Variants in CAST observed in about 807,000 individuals in gnomAD.
CAST encodes calpastatin, also known as MIR583 host.
CAST carries 76 observed loss-of-function variants against 119.6 expected under a neutral mutation model. That is an observed-to-expected ratio of 0.64 (90% CI 0.53 to 0.77). CAST has a LOEUF of 0.77. Among genes scored for constraint, CAST ranks in the 30% least tolerant of loss-of-function variants. The probability of loss-of-function intolerance (pLI) is 0.00; values close to 1 mark genes in which losing one functional copy is unlikely to be tolerated. For missense variants in CAST, 953 were observed against 946.5 expected, an observed-to-expected ratio of 1.01 and a Z score of -0.09; for synonymous variants, 319 against 331.6, an observed-to-expected ratio of 0.96 and a Z score of 0.41.
chr5:96,663,589 T>C (rs1263091963), intron 1 of CAST, among the ~76,000 whole-genome samples: 1 of 152,138 alleles, frequency 6.6e-6, no homozygotes, highest in Non-Finnish European at 1.5e-5. Context: ...AGAGGGCGAT[T>C]GTTGGACGTA....
At chr5:96,090,586 C>T in the CAST span, among the ~76,000 whole-genome samples, 1 of 152,042 alleles carries the variant, frequency 6.6e-6, no homozygotes, top group African/African-American at 2.4e-5. Flanking sequence ...TCTCCTGGGG[C>T]CTTCACTTTC....
intron 1 of CAST, among the ~76,000 whole-genome samples, chr5:96,620,944 T>C (rs2150199254): frequency 6.6e-6 from 1 of 152,356 alleles, no homozygotes; most frequent in South Asian, 2.1e-4. Context: ...CATCTAAGTA[T>C]AAACATTTCT....
chr5:96,510,800 T>C, the CAST span, among the ~76,000 whole-genome samples: 1 of 152,370 alleles, frequency 6.6e-6, no homozygotes, highest in Non-Finnish European at 1.5e-5. Context: ...AATGACATTA[T>C]GTCTGATATT....
chr5:95,970,000 T>C, the CAST span, among the ~76,000 whole-genome samples: 1 of 152,216 alleles, frequency 6.6e-6, no homozygotes, highest in African/African-American at 2.4e-5. Flanking sequence ...GAATTATGAC[T>C]ATGGTGGGCC....
the CAST span, among the ~76,000 whole-genome samples, chr5:95,974,379 G>A: frequency 2.1e-3 from 314 of 152,266 alleles, 1 homozygote; most frequent in South Asian, 4.1e-3. Flanking sequence ...TAACAGGTAC[G>A]CTCCAATTTC....
chr5:96,439,099 A>G, the CAST span, among the ~76,000 whole-genome samples: 80 of 152,300 alleles, frequency 5.3e-4, no homozygotes, highest in African/African-American at 1.6e-3. Flanking sequence ...GGCATAATTT[A>G]TAATGGTTGC....
the CAST span, among the ~76,000 whole-genome samples, chr5:96,288,953 T>C: frequency 3.2e-4 from 48 of 152,152 alleles, no homozygotes; most frequent in Non-Finnish European, 5.9e-4. Flanking sequence ...GCAGGCTTTT[T>C]CCCTTACATC....
At chr5:96,607,846 A>G (rs1747289177) in intron 1 of CAST, among the ~76,000 whole-genome samples, 1 of 152,230 alleles carries the variant, frequency 6.6e-6, no homozygotes, top group South Asian at 2.1e-4. Context: ...TAATTGACAA[A>G]TAATGATTGA....
At chr5:96,179,700 G>T in the CAST span, among the ~76,000 whole-genome samples, 1 of 152,218 alleles carries the variant, frequency 6.6e-6, no homozygotes, top group Non-Finnish European at 1.5e-5. Context: ...GCAGGAGCAC[G>T]AGAGCACTTG....
At chr5:96,335,705 C>T in the CAST span, among the ~76,000 whole-genome samples, 1 of 152,204 alleles carries the variant, frequency 6.6e-6, no homozygotes, top group African/African-American at 2.4e-5. Context: ...TTTTCTTGGG[C>T]ACTCTTCAGA....
chr5:96,752,961 T>TACACACAC lies in CAST; in HGVS notation c.1525-1076_1525-1069dup, dbSNP rs112835890. 1.5e-3 allele frequency among the ~76,000 whole-genome samples: 216 copies of TACACACAC among 143,360 alleles called. 1 individual carries two copies. The highest frequency in any genetic ancestry group is 3.5e-3 in the Middle Eastern group (1 of 282). The allele number at this position is 143,360 out of a possible 152,430, so 94.0% of individuals were successfully genotyped here. ...TCCCTTCTATGTATGATGCATTTTA[T>TACACACAC]ACACACACACACACACACACACACA... is the stretch of plus-strand genomic sequence containing the variant. On this transcript the variant is annotated intron_variant, in intron 20 of 31. Coordinates refer to ENST00000675179, the MANE Select transcript of CAST (RefSeq NM_001750.7).
chr5:96,259,545 GT>G, the CAST span, among the ~76,000 whole-genome samples: 1 of 152,166 alleles, frequency 6.6e-6, no homozygotes, highest in Non-Finnish European at 1.5e-5. Context: ...TGAAGCCATA[GT>G]TTTTGGAAGA....
At chr5:96,255,125 G>A in the CAST span, among the ~76,000 whole-genome samples, 3 of 152,182 alleles carry the variant, frequency 2.0e-5, no homozygotes, top group East Asian at 5.8e-4. Flanking sequence ...GTTGGCAGGG[G>A]GAAGAAGGGA....
At chr5:96,003,064 C>T in the CAST span, among the ~76,000 whole-genome samples, 1 of 151,882 alleles carries the variant, frequency 6.6e-6, no homozygotes, top group African/African-American at 2.4e-5. Context: ...AGCAAGATCC[C>T]ATCTCTAAAC....
chr5:96,556,553 G>C (rs985129427), intron 1 of CAST, among the ~76,000 whole-genome samples: 1 of 152,228 alleles, frequency 6.6e-6, no homozygotes. Flanking sequence ...CGAGAACTAT[G>C]TGACCAATGC....
At chr5:96,062,756 G>A in the CAST span, among the ~76,000 whole-genome samples, 14 of 152,184 alleles carry the variant, frequency 9.2e-5, no homozygotes, top group East Asian at 1.9e-4. Context: ...TGGCTCACTC[G>A]GGAGTTTCTT....
chr5:96,339,828 C>A, the CAST span, among the ~76,000 whole-genome samples: 1 of 152,220 alleles, frequency 6.6e-6, no homozygotes, highest in South Asian at 2.1e-4. Flanking sequence ...CTGCAGAGAA[C>A]ACAGTAAACC....
the CAST span, among the ~76,000 whole-genome samples, chr5:96,504,813 G>A: frequency 2.4e-3 from 361 of 152,260 alleles, 2 homozygotes; most frequent in African/African-American, 8.4e-3. Context: ...CAAATGATGT[G>A]CTTTCTGTAT....
At chr5:96,574,440 A>G (rs1177060664) in intron 1 of CAST, among the ~76,000 whole-genome samples, 1 of 152,184 alleles carries the variant, frequency 6.6e-6, no homozygotes, top group South Asian at 2.1e-4. Context: ...GGTACTAGTC[A>G]TTTATTGAAC....
Sources: allele counts gnomAD v4.1 joint callset (sites outside exome capture counted in the v4.1 genomes callset), GRCh38; gene constraint gnomAD v4.1.1; transcripts MANE v1.5; gene names NCBI Gene and HGNC (gene_info 2026-07-23, HGNC 2026-07-21).